LRPPRC: variants seen among roughly 807,000 people sequenced by gnomAD.
LRPPRC encodes leucine rich pentatricopeptide repeat containing.
LRPPRC carries 120 observed loss-of-function variants against 180.3 expected under a neutral mutation model. The ratio of observed to expected loss-of-function variants is 0.67; its 90% CI spans 0.57 to 0.77. LRPPRC has a LOEUF of 0.77. LRPPRC is among the 30% of genes least tolerant of loss of function. LRPPRC has a pLI of 0.00. For synonymous variants in LRPPRC, 723 were observed against 600.0 expected, an observed-to-expected ratio of 1.21 and a Z score of -3.00; for missense variants, 2,012 against 1,657.2, an observed-to-expected ratio of 1.21 and a Z score of -3.72.
chr2:43,996,140 A>G (rs933548681), upstream of LRPPRC: 7 of 545,268 alleles, frequency 1.3e-5, no homozygotes, highest in African/African-American at 4.0e-5. Flanking sequence ...TAATATTTAC[A>G]TAAACGATGT....
At chr2:43,994,572 T>C (rs564229633) in intron 1 of LRPPRC, among the ~76,000 whole-genome samples, 21 of 147,352 alleles carry the variant, frequency 1.4e-4, no homozygotes, top group African/African-American at 4.0e-4. Flanking sequence ...AATTTGAGGA[T>C]AAAATGCAGA....
intron 23 of LRPPRC, among the ~76,000 whole-genome samples, chr2:43,940,126 C>T (rs537712880): frequency 6.6e-6 from 1 of 152,326 alleles, no homozygotes; most frequent in Non-Finnish European, 1.5e-5. Flanking sequence ...CATCTTATCA[C>T]TGTCCTGTCC....
chr2:43,945,554 T>C, intron 21 of LRPPRC, 137 bp from the exon 22 acceptor site: 2 of 679,902 alleles, frequency 2.9e-6, no homozygotes. Context: ...CAGTTAGGAT[T>C]TCTTTTTGAA....
chr2:43,947,148 T>C, intron 20 of LRPPRC, 109 bp downstream of exon 20: 1 of 611,484 alleles, frequency 1.6e-6, no homozygotes. Context: ...TTTACAAGCC[T>C]GACATATAAC....
intron 29 of LRPPRC, among the ~76,000 whole-genome samples, chr2:43,915,831 G>A (rs986278156): frequency 6.6e-6 from 1 of 152,178 alleles, no homozygotes; most frequent in African/African-American, 2.4e-5. Context: ...ACCCAGGTGC[G>A]ATCATGGCTC....
chr2:43,934,088 C>T (rs1259880158), intron 25 of LRPPRC, 102 bp downstream of exon 25: 2 of 715,700 alleles, frequency 2.8e-6, no homozygotes, highest in East Asian at 2.7e-5. Flanking sequence ...ATTCTATTAA[C>T]ATGAATCAGA....
At position 43,984,992 on chromosome 2, in the gene LRPPRC, A is replaced by T. The variant is rs111636012; in HGVS notation, c.150-2558T>A. 6.5e-3 allele frequency among the ~76,000 whole-genome samples: 988 copies of T among 151,752 alleles called. 13 individuals carry two copies. Among genetic ancestry groups the T allele is most frequent in the African/African-American group, 0.021 (851 of 41,302 alleles). On this transcript the variant is annotated intron_variant, in intron 1 of 37. Transcript: ENST00000260665. Reference sequence around the variant, plus strand: ...AAAGTTATTATCTCTCAGTTTTTTTAAAAAAATTAAGGTGGGTTTTTTTTT... The same window carrying T: ...AAAGTTATTATCTCTCAGTTTTTTTTAAAAAATTAAGGTGGGTTTTTTTTT...
At chr2:43,921,273 G>C (rs1158151867) in intron 27 of LRPPRC, among the ~76,000 whole-genome samples, 2 of 151,938 alleles carry the variant, frequency 1.3e-5, no homozygotes, top group African/African-American at 4.8e-5. Context: ...GCCTGGGCGA[G>C]ATGTGAACAC....
intron 1 of LRPPRC, among the ~76,000 whole-genome samples, chr2:43,983,896 G>C (rs1346219481): frequency 6.6e-6 from 1 of 152,086 alleles, no homozygotes; most frequent in East Asian, 1.9e-4. Context: ...GAGAAATCAT[G>C]ACTCTAACCA....
intron 14 of LRPPRC, among the ~76,000 whole-genome samples, chr2:43,954,441 T>C (rs778739321): frequency 2.6e-5 from 4 of 152,220 alleles, no homozygotes; most frequent in African/African-American, 7.2e-5. Flanking sequence ...TTAAAAAGCA[T>C]TGTAATGTCT....
Position 43,983,877 on chromosome 2 carries a change from G to A in LRPPRC, c.150-1443C>T, listed in dbSNP as rs572406342. On this transcript the variant is annotated intron_variant, in intron 1 of 37. Coordinates refer to ENST00000260665, the MANE Select transcript of LRPPRC (RefSeq NM_133259.4). The stretch of plus-strand genomic sequence containing the variant: ...ATAATAGACTAGAAATTCTACCACT[G>A]TGATCTGGGAGAAATCATGACTCTA... 2.0e-5 allele frequency among the ~76,000 whole-genome samples: 3 copies of A among 152,228 alleles called. 1 individual carries two copies. In the South Asian group the frequency reaches 6.2e-4, roughly 32 times the overall value.
In LRPPRC at chr2:43,947,342, T is replaced by A. The variant is rs550853551; in HGVS notation, c.1994A>T (p.Glu665Val). The change falls in exon 20 of 38, where the codon GAG becomes GTG. Residue 665 changes from glutamate to valine, a missense_variant. Coordinates refer to ENST00000260665, the MANE Select transcript of LRPPRC (RefSeq NM_133259.4). Reference protein sequence around the residue: ...KTVQLTSSELESTLETLKAEN... With the variant: ...KTVQLTSSELVSTLETLKAEN... ...AGCTTTTAGTGTTTCAAGTGTGGAC[T>A]CCAATTCAGATGATGTAAGTTGCAC... 6.3e-7 allele frequency: 1 copy of A among 1,599,434 alleles called. No individual in the cohort carries two copies. The highest frequency in any genetic ancestry group is 1.3e-5 in the African/African-American group (1 of 74,724).
At chr2:43,965,330 A>G (rs1191263427) in intron 11 of LRPPRC, among the ~76,000 whole-genome samples, 1 of 152,132 alleles carries the variant, frequency 6.6e-6, no homozygotes, top group Non-Finnish European at 1.5e-5. Flanking sequence ...AAGTGTTGGG[A>G]TTACAGGCAT....
chr2:43,980,000 A>G, intron 2 of LRPPRC, 52 bp from the exon 3 acceptor site: 1 of 1,554,326 alleles, frequency 6.4e-7, no homozygotes, highest in Non-Finnish European at 8.9e-7. Flanking sequence ...AATATCACAT[A>G]GATAAATATC....
intron 25 of LRPPRC, among the ~76,000 whole-genome samples, chr2:43,927,742 G>C (rs1671939444): frequency 6.6e-6 from 1 of 152,160 alleles, no homozygotes; most frequent in Non-Finnish European, 1.5e-5. Flanking sequence ...GTTTGTGGCT[G>C]ATTAATCTGC....
intron 27 of LRPPRC, among the ~76,000 whole-genome samples, chr2:43,920,076 A>G (rs1165260129): frequency 1.7e-4 from 22 of 128,792 alleles, no homozygotes; most frequent in Admixed American, 4.9e-4. Context: ...GAAATCAGCA[A>G]TTTAAAAAAA....
At chr2:43,896,597 C>G in intron 35 of LRPPRC, 37 bp downstream of exon 35, 1 of 1,241,648 alleles carries the variant, frequency 8.1e-7, no homozygotes, top group East Asian at 2.3e-5. Context: ...AAGGCACGTA[C>G]AGTATCATTG....
At position 43,974,189 on chromosome 2, in the gene LRPPRC, A is replaced by G. The variant is rs1454482584; in HGVS notation, c.1116T>C (p.Phe372=). The change falls in exon 9 of 38, where the codon TTT becomes TTC. Residue 372 remains phenylalanine, a synonymous_variant. Coordinates refer to ENST00000260665, the MANE Select transcript of LRPPRC (RefSeq NM_133259.4). The part of the protein sequence containing the change: ...PVSKEDGPSV[F]GSFFLQHCVT... ...CACAGTGTTGTAAAAAGAAACTGCCAAAGACACTTGGGCCATCTTCCTTTG... is the reference window on the plus strand; with the variant it reads ...CACAGTGTTGTAAAAAGAAACTGCCGAAGACACTTGGGCCATCTTCCTTTG... 3.7e-6 allele frequency: 6 copies of G among 1,612,928 alleles called. No homozygotes were observed. The African/African-American group carries it at 6.7e-5, about 18-fold the overall frequency.
chr2:43,918,808 T>G (rs868467758), intron 27 of LRPPRC, among the ~76,000 whole-genome samples: 1,778 of 132,344 alleles, frequency 0.013, 21 homozygotes, highest in Non-Finnish European at 0.018. Flanking sequence ...TATATATATA[T>G]AGATATATAT....
Sources: allele counts gnomAD v4.1 joint callset (sites outside exome capture counted in the v4.1 genomes callset), GRCh38; gene constraint gnomAD v4.1.1; transcripts MANE v1.5; gene names NCBI Gene and HGNC (gene_info 2026-07-23, HGNC 2026-07-21).